The following SPAG11B variants were observed in gnomAD, a reference collection of about 807,000 sequenced individuals.
SPAG11B encodes the protein sperm-associated antigen 11B.
SPAG11B carries 5 observed loss-of-function variants against 8.9 expected under a neutral mutation model. The observed-to-expected ratio is 0.56, with a 90% CI of 0.29 to 1.19. The LOEUF (loss-of-function observed/expected upper bound fraction) is 1.19. Ranked by LOEUF, SPAG11B falls within the 50% of genes most tolerant of loss-of-function variation. The probability of loss-of-function intolerance (pLI) is 0.08; values close to 1 mark genes in which losing one functional copy is unlikely to be tolerated. For synonymous variants in SPAG11B, 12 were observed against 53.0 expected (o/e 0.23, Z 3.36); for missense variants, 38 against 146.4 (o/e 0.26, Z 3.82).
intron 2 of SPAG11B, among the ~76,000 whole-genome samples, chr8:7,451,481 A>G (rs1422617223): frequency 1.8e-5 from 2 of 108,296 alleles, no homozygotes; most frequent in African/African-American, 7.0e-5. Context: ...AATGCTACGT[A>G]CGATGACTTT....
downstream of SPAG11B, among the ~76,000 whole-genome samples, chr8:7,448,302 CAAAAAAAAAAAAAAAA>C (rs71221492): frequency 1.2e-4 from 6 of 48,854 alleles, no homozygotes; most frequent in African/African-American, 1.9e-4. Context: ...AACAAGTGGT[CAAAAAAAAAAAAAAAA>C]AAAAAAAAAA....
intron 2 of SPAG11B, among the ~76,000 whole-genome samples, chr8:7,453,357 A>G (rs1443986493): frequency 4.0e-5 from 6 of 149,098 alleles, no homozygotes; most frequent in Non-Finnish European, 8.9e-5. Context: ...CTTAAGCAAA[A>G]GGGGCAAGTG....
intron 2 of SPAG11B, among the ~76,000 whole-genome samples, chr8:7,459,530 C>G (rs1342689079): frequency 6.7e-6 from 1 of 148,976 alleles, no homozygotes; most frequent in Non-Finnish European, 1.5e-5. Context: ...AGAGCTGAGA[C>G]ACACTCCCCG....
intron 2 of SPAG11B, among the ~76,000 whole-genome samples, chr8:7,453,993 G>C (rs1312096659): frequency 3.5e-5 from 5 of 142,878 alleles, no homozygotes; most frequent in Non-Finnish European, 4.5e-5. Flanking sequence ...ATATTTGTGA[G>C]GGTCCAACTC....
intron 2 of SPAG11B, among the ~76,000 whole-genome samples, chr8:7,457,124 G>A (rs1260767103): frequency 2.7e-5 from 4 of 148,978 alleles, no homozygotes; most frequent in African/African-American, 5.1e-5. Flanking sequence ...TTTACTCACC[G>A]CTATGCAAAC....
chr8:7,453,257 T>C lies in SPAG11B; in HGVS notation c.215-2357A>G, dbSNP rs1433430265. On this transcript the variant is annotated intron_variant, in intron 2 of 2. Transcript: ENST00000398462. The stretch of plus-strand genomic sequence containing the variant: ...GTGTGTGGGTTTATATAATGTGTGG[T>C]ATTAAAACACACAGTGGATAAATCT... 3.5e-5 allele frequency among the ~76,000 whole-genome samples: 5 copies of C among 143,564 alleles called. No individual in the cohort carries two copies. In the East Asian group the frequency reaches 1.0e-3, roughly 29 times the overall value. 94.2% of individuals were successfully genotyped at this position (143,564 alleles called of 152,430 possible). A position where few individuals can be genotyped will look rare whatever the true frequency, so the allele number is the denominator to read the frequency against.
At chr8:7,454,831 GGAAAA>G (rs1379160017) in intron 2 of SPAG11B, among the ~76,000 whole-genome samples, 2,930 of 45,742 alleles carry the variant, frequency 0.064, 247 homozygotes, top group African/African-American at 0.29. Context: ...ACTCATGAAT[GGAAAA>G]GAAGAGTGTA....
intron 2 of SPAG11B, chr8:7,451,165 T>G (rs1470880935): frequency 6.4e-7 from 1 of 1,560,006 alleles, no homozygotes; most frequent in Non-Finnish European, 8.7e-7. Context: ...AGATCCTAAA[T>G]GAGGGTCCTC....
intron 2 of SPAG11B, among the ~76,000 whole-genome samples, chr8:7,453,742 G>C (rs1211308195): frequency 6.7e-6 from 1 of 148,290 alleles, no homozygotes; most frequent in Admixed American, 6.7e-5. Context: ...AAAGAGGCAG[G>C]GGCTGGGTGT....
downstream of SPAG11B, chr8:7,449,013 G>T (rs1239130648): frequency 6.3e-6 from 2 of 319,678 alleles, no homozygotes; most frequent in Non-Finnish European, 1.2e-5. Flanking sequence ...AAATAATACA[G>T]CCTAGGGCCC....
downstream of SPAG11B, among the ~76,000 whole-genome samples, chr8:7,450,341 A>C (rs1810038281): frequency 1.4e-5 from 2 of 147,226 alleles, no homozygotes; most frequent in South Asian, 4.2e-4. Flanking sequence ...CTGGGTGAAT[A>C]AGCAGGAGAA....
At chr8:7,450,480 TAA>T, downstream of SPAG11B, 1 of 908,316 alleles carries the variant, frequency 1.1e-6, no homozygotes, top group South Asian at 1.9e-5. Flanking sequence ...TCCAGATACT[TAA>T]GAGATATTCC....
chr8:7,450,804 A>G lies in SPAG11B; in HGVS notation c.311T>C (p.Ile104Thr), dbSNP rs1810082299. The G allele has an allele frequency of 6.2e-7, 1 of 1,609,836 alleles. No homozygotes were observed. Reference sequence around the variant, plus strand: ...ACACCTATTCCAGGGATCAGAGCAAATGTCACGCTTTTTCTCACCAGAATG... The same window carrying G: ...ACACCTATTCCAGGGATCAGAGCAAGTGTCACGCTTTTTCTCACCAGAATG... The part of the protein sequence containing the change: ...FCHSGEKKRD[I>T]CSDPWNRCCV... Residue 104 changes from isoleucine (I) to threonine (T), a missense_variant, in exon 3 of 3, where the codon ATT becomes ACT. Physicochemically the swap from Ile to Thr is moderately conservative, Grantham distance 89. Transcript: ENST00000398462.
intron 2 of SPAG11B, among the ~76,000 whole-genome samples, chr8:7,451,918 T>C (rs1810210673): frequency 1.4e-5 from 2 of 141,416 alleles, no homozygotes; most frequent in South Asian, 2.3e-4. Flanking sequence ...TTTCTTTTTG[T>C]AGAGCATGGG....
chr8:7,453,503 G>A (rs1479306138), intron 2 of SPAG11B, among the ~76,000 whole-genome samples: 1 of 147,116 alleles, frequency 6.8e-6, no homozygotes, highest in Non-Finnish European at 1.5e-5. Context: ...AGCAATAGCA[G>A]ACTCTAGATA....
In SPAG11B at chr8:7,450,895, C is replaced by G. The variant is rs781616804; in HGVS notation, c.220G>C (p.Val74Leu). Residue 74 changes from valine to leucine, a missense_variant, in exon 3 of 3, where the codon GTT becomes CTT. This residue lies in a region of SPAG11B where 29 missense variants were observed against 28.0 expected (regional missense o/e 1.03). Transcript: ENST00000398462. The part of the protein sequence containing the change: ...PPRTPPYQGD[V>L]PPGIRNTICH... Reference sequence around the variant, plus strand: ...ATGGTATTTCTAATTCCCGGTGGAACATCCCCTATGGATACAACAGAAGAG... The same window carrying G: ...ATGGTATTTCTAATTCCCGGTGGAAGATCCCCTATGGATACAACAGAAGAG... 6 of 1,555,014 alleles carry G rather than the reference C, an allele frequency of 3.9e-6. 1 individual carries two copies. Among genetic ancestry groups the G allele is most frequent in the Non-Finnish European group, 5.3e-6 (6 of 1,141,214 alleles).
chr8:7,451,500 GCAACAACAGCAGCAA>G (rs1376633912), intron 2 of SPAG11B, among the ~76,000 whole-genome samples: 3 of 100,012 alleles, frequency 3.0e-5, no homozygotes, highest in Non-Finnish European at 6.6e-5. Context: ...TTAAACAGCA[GCAACAACAGCAGCAA>G]CAACAACAGC....
downstream of SPAG11B, among the ~76,000 whole-genome samples, chr8:7,449,972 G>A (rs1251065669): frequency 8.5e-5 from 11 of 130,156 alleles, no homozygotes; most frequent in Admixed American, 8.2e-5. Context: ...AAGGCAAAAG[G>A]CAGCTAAGCA....
At chr8:7,457,880 G>A (rs1459183220) in intron 2 of SPAG11B, among the ~76,000 whole-genome samples, 3 of 151,372 alleles carry the variant, frequency 2.0e-5, no homozygotes, top group African/African-American at 7.3e-5. Flanking sequence ...AGCCTGGAAA[G>A]GTGGCATTCT....
Sources: allele counts gnomAD v4.1 joint callset (sites outside exome capture counted in the v4.1 genomes callset), GRCh38; gene constraint gnomAD v4.1.1; regional missense constraint gnomAD v4.1.1; transcripts MANE v1.5; gene names NCBI Gene and HGNC (gene_info 2026-07-23, HGNC 2026-07-21).